The following PHF21B variants were observed in gnomAD, a reference collection of about 807,000 sequenced individuals.
The protein encoded by PHF21B is PHD finger protein 21B.
PHF21B carries 22 observed loss-of-function variants against 62.2 expected under a neutral mutation model. The ratio of observed to expected loss-of-function variants is 0.35; its 90% confidence interval spans 0.25 to 0.51. The LOEUF is 0.51. PHF21B is among the 20% of genes least tolerant of loss of function. The pLI is 0.97. For synonymous variants in PHF21B, 341 were observed against 314.7 expected, an observed-to-expected ratio of 1.08 and a Z score of -0.88; for missense variants, 701 against 707.9, an observed-to-expected ratio of 0.99 and a Z score of 0.11.
chr22:44,930,146 G>T (rs944289386), intron 2 of PHF21B, among the ~76,000 whole-genome samples: 1 of 152,210 alleles, frequency 6.6e-6, no homozygotes, highest in Non-Finnish European at 1.5e-5. Flanking sequence ...GACTCCATCC[G>T]CTCAGGCAAA....
chr22:44,945,230 G>A (rs1432004577), intron 2 of PHF21B, among the ~76,000 whole-genome samples: 1 of 152,186 alleles, frequency 6.6e-6, no homozygotes, highest in Non-Finnish European at 1.5e-5. Flanking sequence ...TCCGTGTTGG[G>A]AGGCCCATGG....
chr22:44,934,086 T>C (rs1478000002), intron 2 of PHF21B, among the ~76,000 whole-genome samples: 2 of 152,202 alleles, frequency 1.3e-5, no homozygotes, highest in Non-Finnish European at 2.9e-5. Flanking sequence ...TCCTCTCCTC[T>C]GACGTGGGCA....
rs564397704 is a variant in PHF21B at position 44,957,818 on chromosome 22, C to T, written c.121-37328G>A. On this transcript the variant is annotated intron_variant, in intron 2 of 12. Coordinates refer to ENST00000313237, the MANE Select transcript of PHF21B (RefSeq NM_138415.5). ...TCACCCAGTATCTTTCTGAGAAAGG[C>T]GACGCATGAAATAAGCATTCTAAAC... Among the ~76,000 whole-genome samples the T allele has an allele frequency of 9.9e-5, 15 of 152,064 alleles. No individual in the cohort carries two copies. The South Asian group carries it at 1.9e-3, about 19-fold the overall frequency.
chr22:44,926,655 C>G (rs1399632055), intron 2 of PHF21B, among the ~76,000 whole-genome samples: 2 of 152,206 alleles, frequency 1.3e-5, no homozygotes, highest in Non-Finnish European at 2.9e-5. Context: ...CATGTTGCCT[C>G]GTGGACCAAG....
At chr22:44,916,206 C>T in intron 4 of PHF21B, 74 bp downstream of exon 4, 1 of 1,414,602 alleles carries the variant, frequency 7.1e-7, no homozygotes, top group Non-Finnish European at 9.6e-7. Flanking sequence ...TCATTTGGCC[C>T]TTCCCAAATG....
At chr22:44,978,890 C>T (rs897481506) in intron 2 of PHF21B, among the ~76,000 whole-genome samples, 5 of 152,036 alleles carry the variant, frequency 3.3e-5, no homozygotes, top group African/African-American at 7.2e-5. Flanking sequence ...GTAGACTCTG[C>T]GTGCAGCTGC....
At chr22:44,944,489 T>G (rs2072024465) in intron 2 of PHF21B, among the ~76,000 whole-genome samples, 1 of 152,198 alleles carries the variant, frequency 6.6e-6, no homozygotes, top group African/African-American at 2.4e-5. Context: ...AGGCCCTGCA[T>G]CAATAACAAG....
chr22:44,948,763 C>T (rs1460565058), intron 2 of PHF21B, among the ~76,000 whole-genome samples: 5 of 151,940 alleles, frequency 3.3e-5, no homozygotes, highest in Non-Finnish European at 7.4e-5. Flanking sequence ...TGGAAGCAGG[C>T]TTTTCAGTGC....
intron 10 of PHF21B, among the ~76,000 whole-genome samples, chr22:44,887,216 G>C (rs975412982): frequency 6.6e-5 from 10 of 150,800 alleles, no homozygotes; most frequent in African/African-American, 2.4e-4. Flanking sequence ...CACAAGTCAT[G>C]CATCTGTGGA....
intron 2 of PHF21B, among the ~76,000 whole-genome samples, chr22:44,999,546 C>T (rs74341759): frequency 6.6e-6 from 1 of 152,240 alleles, no homozygotes; most frequent in African/African-American, 2.4e-5. Flanking sequence ...AAGTACTGCT[C>T]GCGGTCACCA....
intron 5 of PHF21B, among the ~76,000 whole-genome samples, chr22:44,908,474 C>T (rs989422028): frequency 1.3e-5 from 2 of 152,196 alleles, no homozygotes; most frequent in Non-Finnish European, 2.9e-5. Flanking sequence ...CTCTGGGACA[C>T]TGCTGACTCG....
chr22:44,979,566 G>C (rs1312139665), intron 2 of PHF21B, among the ~76,000 whole-genome samples: 1 of 152,162 alleles, frequency 6.6e-6, no homozygotes, highest in African/African-American at 2.4e-5. Flanking sequence ...TCCAACTCTG[G>C]CCTGTGACGT....
intron 2 of PHF21B, among the ~76,000 whole-genome samples, chr22:44,936,793 C>T (rs1306053027): frequency 6.6e-6 from 1 of 151,586 alleles, no homozygotes. Flanking sequence ...ATGGCTCTCA[C>T]TGCGCTTTTA....
chr22:44,960,938 T>C (rs917484148), intron 2 of PHF21B, among the ~76,000 whole-genome samples: 2 of 146,004 alleles, frequency 1.4e-5, no homozygotes, highest in African/African-American at 5.0e-5. Flanking sequence ...ATCTGTCCCT[T>C]CAAAATCACG....
chr22:44,886,017 CCT>C (rs2070851112), intron 10 of PHF21B, 79 bp from the exon 11 acceptor site: 2 of 1,371,384 alleles, frequency 1.5e-6, no homozygotes, highest in East Asian at 2.3e-5. Context: ...GCTGTGTAAC[CCT>C]GAGGGGGCAC....
intron 6 of PHF21B, among the ~76,000 whole-genome samples, chr22:44,893,978 C>T (rs115892315): frequency 0.024 from 3,652 of 152,330 alleles, 141 homozygotes; most frequent in African/African-American, 0.082. Flanking sequence ...CCAGTGCAGC[C>T]CCCAGCAGGA....
chr22:45,000,185 C>T (rs968856193), intron 2 of PHF21B, among the ~76,000 whole-genome samples: 26 of 152,210 alleles, frequency 1.7e-4, no homozygotes, highest in Non-Finnish European at 3.4e-4. Context: ...ACACGCCTCT[C>T]GGAGACAAAG....
intron 2 of PHF21B, among the ~76,000 whole-genome samples, chr22:44,999,082 C>T (rs1360251603): frequency 1.3e-5 from 2 of 152,186 alleles, no homozygotes; most frequent in Non-Finnish European, 2.9e-5. Context: ...ACGGCCCAAT[C>T]GGAGCCGCCA....
At chr22:44,984,095 TCAC>T (rs1327402927) in intron 2 of PHF21B, among the ~76,000 whole-genome samples, 2 of 131,986 alleles carry the variant, frequency 1.5e-5, no homozygotes, top group South Asian at 2.6e-4. Context: ...ACCATCATCA[TCAC>T]CATCATCACC....
Sources: gnomAD v4.1 joint callset for allele counts (sites outside exome capture counted in the v4.1 genomes callset) on GRCh38, gnomAD v4.1.1 for gene constraint, MANE v1.5 for transcripts, NCBI Gene and HGNC (gene_info 2026-07-23, HGNC 2026-07-21) for gene names.